The following RBM39 variants were observed in gnomAD, a reference collection of about 807,000 sequenced individuals.
The protein encoded by RBM39 is RNA binding motif protein 39, also known as RNA-binding protein 39.
A neutral mutation model predicts 79.6 loss-of-function variants in RBM39; 12 were observed. The observed-to-expected ratio is 0.15, with a 90% CI of 0.10 to 0.24. The LOEUF (loss-of-function observed/expected upper bound fraction) is 0.24, where lower values mean the gene tolerates loss of function less well. RBM39 is among the 10% of genes least tolerant of loss of function. The pLI, the probability that RBM39 is intolerant of heterozygous loss-of-function variation, is 1.00. For synonymous variants in RBM39, 185 were observed against 208.4 expected (o/e 0.89, Z 0.97); for missense variants, 243 against 653.4 (o/e 0.37, Z 6.85).
At chr20:35,705,629 C>A (rs1427151152) in intron 14 of RBM39, among the ~76,000 whole-genome samples, 2 of 151,692 alleles carry the variant, frequency 1.3e-5, no homozygotes, top group Admixed American at 6.6e-5. Context: ...GAAATCCGGT[C>A]TCTACTGAAA....
At chr20:35,733,356 T>G (rs1345905804) in intron 3 of RBM39, among the ~76,000 whole-genome samples, 1 of 145,402 alleles carries the variant, frequency 6.9e-6, no homozygotes, top group Non-Finnish European at 1.5e-5. Flanking sequence ...ACCTGTAATC[T>G]CAGCACTTTG....
chr20:35,723,922 A>G (rs1226201818), intron 8 of RBM39, among the ~76,000 whole-genome samples: 1 of 152,088 alleles, frequency 6.6e-6, no homozygotes, highest in Non-Finnish European at 1.5e-5. Flanking sequence ...GCACCTGTAG[A>G]CCTAGCTACT....
At chr20:35,735,944 G>T (rs1464392084) in intron 3 of RBM39, among the ~76,000 whole-genome samples, 1 of 152,156 alleles carries the variant, frequency 6.6e-6, no homozygotes, top group Non-Finnish European at 1.5e-5. Flanking sequence ...GTAAAAGCTT[G>T]TAGCCTTAAT....
intron 4 of RBM39, chr20:35,731,451 A>T (rs568045939): frequency 6.5e-6 from 1 of 154,950 alleles, no homozygotes; most frequent in South Asian, 1.9e-4. Flanking sequence ...TACACAACAA[A>T]TTCACAACTG....
intron 8 of RBM39, among the ~76,000 whole-genome samples, chr20:35,723,332 T>C (rs1454900608): frequency 6.6e-6 from 1 of 152,180 alleles, no homozygotes; most frequent in Admixed American, 6.5e-5. Flanking sequence ...AACAGGTTGC[T>C]GCATGAATTT....
At chr20:35,740,937 TG>T in intron 1 of RBM39, 50 bp from the exon 2 acceptor site, 4 of 1,402,618 alleles carry the variant, frequency 2.9e-6, no homozygotes, top group Non-Finnish European at 4.0e-6. Flanking sequence ...TCTTACAATG[TG>T]AAACAAGTTT....
intron 13 of RBM39, 134 bp downstream of exon 13, chr20:35,709,087 TACC>T: frequency 1.5e-6 from 1 of 648,514 alleles, no homozygotes. Context: ...ACTATGAATA[TACC>T]ACTATGTGTC....
rs1025795793 is a variant in RBM39 at position 35,702,921 on chromosome 20, A to G, written c.*1560T>C. On this transcript the variant is annotated 3_prime_UTR_variant, in exon 17 of 17. Transcript: ENST00000253363. ...AAGACTCCATCTCAAAAAGAAAAAG[A>G]AATTGAACCTTGGGAGTTTCCATAC... 4 of 152,202 alleles carry G rather than the reference A, an allele frequency of 2.6e-5. No individual in the cohort carries two copies. The highest frequency in any genetic ancestry group is 9.7e-5 in the African/African-American group (4 of 41,448). 9.4% of individuals were successfully genotyped at this position (152,202 alleles called of 1,614,324 possible). A position where few individuals can be genotyped will look rare whatever the true frequency, so the allele number is the denominator to read the frequency against.
Position 35,732,121 on chromosome 20 carries a change from T to C in RBM39, c.116A>G (p.Lys39Arg). The change falls in exon 4 of 17, where the codon AAG becomes AGG. Residue 39 changes from lysine (K) to arginine (R), a missense_variant. This residue lies in a region of RBM39 where 115 missense variants were observed against 184.1 expected (regional missense o/e 0.62). Transcript: ENST00000253363. ...TCGTTCATGACTACGACTTCTGCTCTTGCTTTTTTTCCTCCTGAGAAGAAA... is the reference window on the plus strand; with the variant it reads ...TCGTTCATGACTACGACTTCTGCTCCTGCTTTTTTTCCTCCTGAGAAGAAA... Reference protein sequence around the residue: ...EERSKKRKKSKSRSRSHERKR... With the variant: ...EERSKKRKKSRSRSRSHERKR... 1 of 1,614,140 alleles carries C rather than the reference T, an allele frequency of 6.2e-7. No homozygotes were observed. The highest frequency in any genetic ancestry group is 1.7e-5 in the Admixed American group (1 of 60,016).
chr20:35,739,158 TA>T (rs1440028118), intron 2 of RBM39, 141 bp from the exon 3 acceptor site: 7 of 759,738 alleles, frequency 9.2e-6, no homozygotes, highest in South Asian at 4.9e-5. Flanking sequence ...TGGAAGGCTA[TA>T]AAAAAATTTA....
intron 3 of RBM39, among the ~76,000 whole-genome samples, chr20:35,736,203 A>G (rs1190227608): frequency 6.6e-6 from 1 of 152,180 alleles, no homozygotes; most frequent in Non-Finnish European, 1.5e-5. Context: ...AACATTAGGA[A>G]ACCATTACTG....
At chr20:35,724,432 TA>T (rs74980478) in intron 8 of RBM39, 137 bp downstream of exon 8, 109,428 of 582,396 alleles carry the variant, frequency 0.19, 21 homozygotes, top group East Asian at 0.23. Flanking sequence ...AACGCAAAGT[TA>T]AAAAAAAAAA....
In RBM39 at chr20:35,722,406, CA is replaced by C. The variant is rs1247582024; in HGVS notation, c.688-530del. On this transcript the variant is annotated intron_variant, in intron 8 of 16. Transcript: ENST00000253363. ...TGGGTGACAGAGTGAGACTCAGTCT[CA>C]AAAAAAATAAAAATAAAAAAAAAAA... 2.1e-3 allele frequency among the ~76,000 whole-genome samples: 200 copies of C among 95,352 alleles called. 1 individual carries two copies. The highest frequency in any genetic ancestry group is 0.012 in the South Asian group (34 of 2,886). 62.6% of individuals were successfully genotyped at this position (95,352 alleles called of 152,430 possible). A position where few individuals can be genotyped will look rare whatever the true frequency, so the allele number is the denominator to read the frequency against.
At chr20:35,741,735 C>T (rs2040563039) in intron 1 of RBM39, 1 of 152,762 alleles carries the variant, frequency 6.5e-6, no homozygotes, top group Non-Finnish European at 1.5e-5. Context: ...ACCATTCTAC[C>T]GCGGCCTCTC....
chr20:35,734,749 C>G (rs2039729907), intron 3 of RBM39: 1 of 1,221,004 alleles, frequency 8.2e-7, no homozygotes, highest in South Asian at 2.5e-5. Context: ...CTAAGACATT[C>G]AGAAAATACA....
At chr20:35,719,926 G>A in intron 9 of RBM39, 1 of 211,682 alleles carries the variant, frequency 4.7e-6, no homozygotes, top group Non-Finnish European at 1.0e-5. Flanking sequence ...GGGATTAGAG[G>A]GATGCGCCAC....
intron 6 of RBM39, among the ~76,000 whole-genome samples, chr20:35,725,735 T>G (rs1007664528): frequency 2.0e-5 from 3 of 149,190 alleles, no homozygotes; most frequent in Non-Finnish European, 4.4e-5. Context: ...CCATCTTGGC[T>G]CACCACAACC....
intron 14 of RBM39, among the ~76,000 whole-genome samples, chr20:35,705,796 A>G (rs1312114156): frequency 6.6e-6 from 1 of 152,084 alleles, no homozygotes; most frequent in African/African-American, 2.4e-5. Flanking sequence ...TCAAAAAAAA[A>G]AAAAAGTTAA....
intron 13 of RBM39, 70 bp downstream of exon 13, chr20:35,709,154 A>G: frequency 7.2e-7 from 1 of 1,385,566 alleles, no homozygotes. Flanking sequence ...CAATAAATAT[A>G]GAAAACTGTC....
Sources: gnomAD v4.1 joint callset for allele counts (sites outside exome capture counted in the v4.1 genomes callset) on GRCh38, gnomAD v4.1.1 for gene constraint, gnomAD v4.1.1 regional missense constraint, MANE v1.5 for transcripts, NCBI Gene and HGNC (gene_info 2026-07-23, HGNC 2026-07-21) for gene names.